The following GARIN2 variants were observed in gnomAD, a reference collection of about 807,000 sequenced individuals.
The protein encoded by GARIN2 is Golgi-associated RAB2 interactor protein 2.
At chr14:67,209,131 T>A in the GARIN2 span, among the ~76,000 whole-genome samples, 1 of 152,202 alleles carries the variant, frequency 6.6e-6, no homozygotes, top group Admixed American at 6.5e-5. Context: ...TGGCAGAGTT[T>A]ACGTGATTCA....
chr14:67,225,960 T>TGTGTGTGTGTGC, the GARIN2 span, among the ~76,000 whole-genome samples: 1 of 119,756 alleles, frequency 8.4e-6, no homozygotes, highest in Non-Finnish European at 1.6e-5. Context: ...TGTGTGTGTG[T>TGTGTGTGTGTGC]GTGCGCGCGC....
At chr14:67,201,503 C>T in the GARIN2 span, 1 of 456,004 alleles carries the variant, frequency 2.2e-6, no homozygotes, top group Non-Finnish European at 4.4e-6. Context: ...TTCATCTCAT[C>T]CTGGTGGCTC....
chr14:67,189,482 G>T, the GARIN2 span: 11 of 152,300 alleles, frequency 7.2e-5, no homozygotes, highest in Middle Eastern at 0.01. Flanking sequence ...AAAGAAATGT[G>T]AAAAGAGTGG....
At chr14:67,203,967 C>T in the GARIN2 span, among the ~76,000 whole-genome samples, 1 of 152,218 alleles carries the variant, frequency 6.6e-6, no homozygotes, top group Non-Finnish European at 1.5e-5. Context: ...CCGCCTTGGC[C>T]TCCCAAAGTG....
the GARIN2 span, among the ~76,000 whole-genome samples, chr14:67,193,015 G>T: frequency 1.4e-5 from 2 of 142,384 alleles, no homozygotes; most frequent in Non-Finnish European, 3.0e-5. Context: ...TCAATATCTA[G>T]ATATAGATAT....
chr14:67,198,542 A>T, the GARIN2 span, among the ~76,000 whole-genome samples: 1 of 152,248 alleles, frequency 6.6e-6, no homozygotes, highest in Non-Finnish European at 1.5e-5. Flanking sequence ...CTTCTGTCTT[A>T]ACTCTACCAT....
chr14:67,223,436 A>C, the GARIN2 span, among the ~76,000 whole-genome samples: 1 of 152,252 alleles, frequency 6.6e-6, no homozygotes, highest in East Asian at 1.9e-4. Context: ...AGAGGAGGGC[A>C]TGATTCGCTG....
chr14:67,190,201 C>A, the GARIN2 span, among the ~76,000 whole-genome samples: 9 of 149,568 alleles, frequency 6.0e-5, no homozygotes, highest in African/African-American at 2.0e-4. Context: ...AGGCGTGAGC[C>A]ACTGTGCCCA....
the GARIN2 span, among the ~76,000 whole-genome samples, chr14:67,195,701 C>T: frequency 7.0e-6 from 1 of 143,066 alleles, no homozygotes; most frequent in Non-Finnish European, 1.5e-5. Context: ...GAACTTAATG[C>T]TTTCTTTTTG....
the GARIN2 span, among the ~76,000 whole-genome samples, chr14:67,193,606 T>G: frequency 3.4e-5 from 5 of 145,638 alleles, no homozygotes; most frequent in Admixed American, 2.8e-4. Flanking sequence ...TATCTATAGA[T>G]ATATAGATAG....
At chr14:67,211,720 C>A in the GARIN2 span, among the ~76,000 whole-genome samples, 7 of 152,116 alleles carry the variant, frequency 4.6e-5, no homozygotes, top group African/African-American at 1.7e-4. Context: ...TCCTGGGCAA[C>A]TTAACAAAAC....
chr14:67,204,544 C>T, the GARIN2 span: 1 of 1,612,474 alleles, frequency 6.2e-7, no homozygotes, highest in African/African-American at 1.3e-5. Context: ...CAGGTTTCTC[C>T]CTCTGCAGTT....
the GARIN2 span, chr14:67,198,060 TAATA>T: frequency 2.8e-6 from 4 of 1,442,828 alleles, no homozygotes; most frequent in Admixed American, 2.3e-5. Context: ...TTTGCTGAAT[TAATA>T]AATAAATGAA....
chr14:67,223,957 AT>A, the GARIN2 span: 3 of 985,266 alleles, frequency 3.0e-6, no homozygotes, highest in Non-Finnish European at 3.6e-6. Flanking sequence ...CGTAATTCTA[AT>A]TTATATTATA....
At chr14:67,193,316 A>G in the GARIN2 span, among the ~76,000 whole-genome samples, 3 of 128,862 alleles carry the variant, frequency 2.3e-5, no homozygotes, top group African/African-American at 8.3e-5. Flanking sequence ...CTCTATATAG[A>G]TATCTATATA....
chr14:67,228,118 C>T, the GARIN2 span, among the ~76,000 whole-genome samples: 29 of 148,098 alleles, frequency 2.0e-4, 1 homozygote, highest in South Asian at 1.1e-3. Context: ...TGCAGTGAGC[C>T]GAGATTGTGC....
At chr14:67,214,651 T>C in the GARIN2 span, among the ~76,000 whole-genome samples, 2 of 152,038 alleles carry the variant, frequency 1.3e-5, no homozygotes, top group East Asian at 3.8e-4. Context: ...CGATGCGGGC[T>C]CTTTTTTGGT....
the GARIN2 span, chr14:67,225,101 T>C: frequency 6.4e-7 from 1 of 1,553,400 alleles, no homozygotes; most frequent in Non-Finnish European, 8.7e-7. Context: ...CTTATTCTTT[T>C]TCTTTTTTCC....
chr14:67,218,763 T>A, the GARIN2 span, among the ~76,000 whole-genome samples: 1 of 151,996 alleles, frequency 6.6e-6, no homozygotes, highest in African/African-American at 2.4e-5. Context: ...TATCAAGCTG[T>A]TTAGAGGTTC....
Sources: gnomAD v4.1 joint callset for allele counts (sites outside exome capture counted in the v4.1 genomes callset) on GRCh38, gnomAD v4.1.1 for gene constraint, MANE v1.5 for transcripts, NCBI Gene and HGNC (gene_info 2026-07-23, HGNC 2026-07-21) for gene names.